The following DYNC1LI1 variants were observed in gnomAD, a reference collection of about 807,000 sequenced individuals.
The protein encoded by DYNC1LI1 is dynein cytoplasmic 1 light intermediate chain 1.
In DYNC1LI1, 19 loss-of-function variants were observed where a neutral mutation model predicts 63.8. The observed-to-expected ratio is 0.30, with a 90% CI of 0.21 to 0.44. The LOEUF (loss-of-function observed/expected upper bound fraction) is 0.44, where lower values mean the gene tolerates loss of function less well. Among genes scored for constraint, DYNC1LI1 ranks in the 20% least tolerant of loss-of-function variants. DYNC1LI1 has a pLI of 1.00. For synonymous variants in DYNC1LI1, 225 were observed against 232.3 expected, an observed-to-expected ratio of 0.97 and a Z score of 0.28; for missense variants, 565 against 630.2, an observed-to-expected ratio of 0.90 and a Z score of 1.11.
chr3:32,528,721 C>T (rs1697656168), intron 11 of DYNC1LI1, 120 bp from the exon 12 acceptor site: 1 of 968,266 alleles, frequency 1.0e-6, no homozygotes, highest in Admixed American at 3.3e-5. Flanking sequence ...TTTTATATTC[C>T]AAATTCAAGT....
chr3:32,535,149 A>C (rs1160405581), intron 6 of DYNC1LI1, among the ~76,000 whole-genome samples: 1 of 152,240 alleles, frequency 6.6e-6, no homozygotes, highest in Non-Finnish European at 1.5e-5. Context: ...CCCAATGTTG[A>C]AAGGTGAGCC....
rs1697802242 is a variant in DYNC1LI1 at position 32,537,927 on chromosome 3, A to ATATATATAATT, written c.739-824_739-823insAATTATATATA. Among the ~76,000 whole-genome samples the ATATATATAATT allele has an allele frequency of 3.0e-4, 10 of 33,256 alleles. 2 individuals are homozygous for ATATATATAATT. Among genetic ancestry groups the ATATATATAATT allele is most frequent in the Admixed American group, 2.3e-3 (4 of 1,756 alleles). The allele number at this position is 33,256 out of a possible 152,430, so 21.8% of individuals were successfully genotyped here. ...TATATATATATAATTTATATATATA[A>ATATATATAATT]TATATATATAATATATATATAATTT... On this transcript the variant is annotated intron_variant, in intron 5 of 12. Transcript: ENST00000273130.
chr3:32,530,097 G>A (rs1697675254), intron 10 of DYNC1LI1, among the ~76,000 whole-genome samples, 187 bp downstream of exon 10: 1 of 152,110 alleles, frequency 6.6e-6, no homozygotes, highest in South Asian at 2.1e-4. Flanking sequence ...AAATGGCTGA[G>A]TATTGACACA....
At chr3:32,563,984 T>C (rs1010706274) in intron 2 of DYNC1LI1, among the ~76,000 whole-genome samples, 45 of 152,366 alleles carry the variant, frequency 3.0e-4, no homozygotes, top group African/African-American at 1.1e-3. Flanking sequence ...CATTTGTGCT[T>C]ACTGATAAAA....
chr3:32,550,176 A>T (rs757681405), intron 2 of DYNC1LI1, among the ~76,000 whole-genome samples: 1 of 152,236 alleles, frequency 6.6e-6, no homozygotes, highest in Non-Finnish European at 1.5e-5. Flanking sequence ...TCACGCCTGT[A>T]ATCACAGCAC....
chr3:32,541,097 A>T lies in DYNC1LI1; in HGVS notation c.678T>A (p.Pro226=). 6.2e-7 allele frequency: 1 copy of T among 1,613,774 alleles called. No homozygotes were observed. Among genetic ancestry groups the T allele is most frequent in the Non-Finnish European group, 8.5e-7 (1 of 1,179,786 alleles). ...QEDKDDSVVL[P]LGADTLTHNL... is the part of the protein sequence containing the mutation. Reference sequence around the variant, plus strand: ...TATGTGTAAGTGTATCCGCACCCAGAGGTAAAACTACACTGTCATCTTTGT... The same window carrying T: ...TATGTGTAAGTGTATCCGCACCCAGTGGTAAAACTACACTGTCATCTTTGT... Residue 226 remains proline, a synonymous_variant, in exon 5 of 13, where the codon CCT becomes CCA. Transcript: ENST00000273130.
At chr3:32,535,662 T>C (rs1185115397) in intron 6 of DYNC1LI1, among the ~76,000 whole-genome samples, 1 of 152,232 alleles carries the variant, frequency 6.6e-6, no homozygotes, top group East Asian at 1.9e-4. Context: ...AACCAAATTA[T>C]GATAATTTGG....
chr3:32,548,352 G>A (rs1218698850), intron 2 of DYNC1LI1, among the ~76,000 whole-genome samples: 2 of 152,128 alleles, frequency 1.3e-5, no homozygotes, highest in Non-Finnish European at 2.9e-5. Context: ...TCTAACTAAT[G>A]CCTGATGATC....
At chr3:32,532,884 GA>G in intron 8 of DYNC1LI1, 101 bp downstream of exon 8, 1 of 1,393,116 alleles carries the variant, frequency 7.2e-7, no homozygotes. Flanking sequence ...CCTCCAGATG[GA>G]AAAGGACATT....
chr3:32,550,426 C>T (rs566534879), intron 2 of DYNC1LI1, among the ~76,000 whole-genome samples: 8 of 152,202 alleles, frequency 5.3e-5, no homozygotes, highest in East Asian at 1.9e-4. Flanking sequence ...AGTGAAACTC[C>T]GTCTCAAAAC....
chr3:32,558,421 A>AAAAAAAAAAAG (rs1698145421), intron 2 of DYNC1LI1, among the ~76,000 whole-genome samples: 3 of 150,450 alleles, frequency 2.0e-5, no homozygotes, highest in African/African-American at 2.4e-5. Flanking sequence ...AAAAAAAAAA[A>AAAAAAAAAAAG]AAAAGAAAAG....
chr3:32,557,250 T>G (rs1403411235), intron 2 of DYNC1LI1, among the ~76,000 whole-genome samples: 2 of 152,212 alleles, frequency 1.3e-5, no homozygotes, highest in Admixed American at 1.3e-4. Flanking sequence ...GCACGGTGGC[T>G]TAGGCCTGTA....
chr3:32,562,430 C>G (rs892974063), intron 2 of DYNC1LI1, among the ~76,000 whole-genome samples: 1 of 152,166 alleles, frequency 6.6e-6, no homozygotes, highest in African/African-American at 2.4e-5. Flanking sequence ...ACCTTGGACT[C>G]CCAGGCTCAT....
At chr3:32,530,783 A>T in intron 8 of DYNC1LI1, 1 of 396,420 alleles carries the variant, frequency 2.5e-6, no homozygotes, top group Non-Finnish European at 4.5e-6. Flanking sequence ...GAGCACTTGA[A>T]ATGTGGCTAG....
intron 12 of DYNC1LI1, among the ~76,000 whole-genome samples, chr3:32,527,275 C>A (rs1168027280): frequency 6.6e-6 from 1 of 152,074 alleles, no homozygotes; most frequent in Non-Finnish European, 1.5e-5. Context: ...CCAACCTAGA[C>A]AACAGAGTGA....
Position 32,570,852 on chromosome 3 carries a change from C to T in DYNC1LI1, c.-82G>A, listed in dbSNP as rs1301197833. 6.8e-7 allele frequency: 1 copy of T among 1,464,768 alleles called. No homozygotes were observed. The highest frequency in any genetic ancestry group is 9.1e-7 in the Non-Finnish European group (1 of 1,097,246). The allele number at this position is 1,464,768 out of a possible 1,614,324, so 90.7% of individuals were successfully genotyped here. A position where few individuals can be genotyped will look rare whatever the true frequency, so the allele number is the denominator to read the frequency against. On this transcript the variant is annotated 5_prime_UTR_variant, in exon 1 of 13. Transcript: ENST00000273130. The stretch of plus-strand genomic sequence containing the variant: ...GGTGGCGGTGGAGGCGGCGGGAACC[C>T]GGATATGGGGCGTTCAGCGCACGGG...
intron 2 of DYNC1LI1, among the ~76,000 whole-genome samples, chr3:32,548,435 T>C (rs76483797): frequency 0.02 from 2,976 of 152,266 alleles, 42 homozygotes; most frequent in South Asian, 0.041. Flanking sequence ...GAAGTCGGTT[T>C]CTGGTGCCCA....
chr3:32,542,397 G>T (rs1015732832), intron 4 of DYNC1LI1, among the ~76,000 whole-genome samples: 3 of 150,904 alleles, frequency 2.0e-5, no homozygotes, highest in African/African-American at 7.3e-5. Flanking sequence ...CACTGTGACC[G>T]GCTATTTTCA....
At chr3:32,558,244 A>T (rs891835247) in intron 2 of DYNC1LI1, among the ~76,000 whole-genome samples, 1 of 151,856 alleles carries the variant, frequency 6.6e-6, no homozygotes, top group African/African-American at 2.4e-5. Flanking sequence ...AACAACAACA[A>T]CAATTTCATA....
Sources: allele counts gnomAD v4.1 joint callset (sites outside exome capture counted in the v4.1 genomes callset), GRCh38; gene constraint gnomAD v4.1.1; transcripts MANE v1.5; gene names NCBI Gene and HGNC (gene_info 2026-07-23, HGNC 2026-07-21).